ARHGAP15: variants seen among roughly 807,000 people sequenced by gnomAD.
The protein encoded by ARHGAP15 is rho GTPase-activating protein 15.
In ARHGAP15, 51 loss-of-function variants were observed where a neutral mutation model predicts 63.7. The ratio of observed to expected loss-of-function variants is 0.80; its 90% confidence interval spans 0.64 to 1.01. The LOEUF is 1.01. Ranked by LOEUF, ARHGAP15 falls within the 50% of genes least tolerant of loss-of-function variation. ARHGAP15 has a pLI of 0.00. For synonymous variants in ARHGAP15, 191 were observed against 193.8 expected (o/e 0.99, Z 0.12); for missense variants, 560 against 564.6 (o/e 0.99, Z 0.08).
intron 13 of ARHGAP15, among the ~76,000 whole-genome samples, chr2:143,735,093 G>T (rs532682225): frequency 6.6e-6 from 1 of 152,266 alleles, no homozygotes; most frequent in Admixed American, 6.5e-5. Flanking sequence ...ACAGATATTC[G>T]ATTCAGCTTC....
intron 9 of ARHGAP15, among the ~76,000 whole-genome samples, chr2:143,504,111 T>C (rs1049191176): frequency 6.6e-6 from 1 of 152,160 alleles, no homozygotes; most frequent in African/African-American, 2.4e-5. Context: ...AGGTACACAA[T>C]CGTAGGAAAG....
chr2:143,544,928 C>G (rs553254388), intron 10 of ARHGAP15, among the ~76,000 whole-genome samples: 1 of 152,264 alleles, frequency 6.6e-6, no homozygotes, highest in South Asian at 2.1e-4. Context: ...ATTTGTGTTT[C>G]CTGAGAATAG....
chr2:143,334,384 A>C (rs149933425), intron 6 of ARHGAP15, among the ~76,000 whole-genome samples: 11 of 152,318 alleles, frequency 7.2e-5, no homozygotes, highest in Middle Eastern at 3.4e-3. Flanking sequence ...TTCTAGACTT[A>C]ATCTTACATG....
chr2:143,582,105 TTA>T (rs1162433307), intron 11 of ARHGAP15, among the ~76,000 whole-genome samples: 1 of 152,140 alleles, frequency 6.6e-6, no homozygotes, highest in East Asian at 1.9e-4. Flanking sequence ...TTATGAGGCT[TTA>T]TGTTTCAAAC....
chr2:143,672,315 AACATAAAAACAC>A (rs1682567342), intron 12 of ARHGAP15, among the ~76,000 whole-genome samples: 1 of 152,216 alleles, frequency 6.6e-6, no homozygotes, highest in South Asian at 2.1e-4. Context: ...ATCTAAGTGG[AACATAAAAACAC>A]ACATAAATGA....
At chr2:143,736,688 T>C (rs1197090064) in intron 13 of ARHGAP15, among the ~76,000 whole-genome samples, 1 of 152,234 alleles carries the variant, frequency 6.6e-6, no homozygotes, top group Non-Finnish European at 1.5e-5. Context: ...AATTAACAGT[T>C]ACTACTCTGT....
At chr2:143,167,073 A>G (rs1690572365) in intron 2 of ARHGAP15, among the ~76,000 whole-genome samples, 1 of 152,104 alleles carries the variant, frequency 6.6e-6, no homozygotes, top group African/African-American at 2.4e-5. Flanking sequence ...CAACACGAAA[A>G]CTGAACACAG....
chr2:143,527,213 C>A (rs1694318381), intron 10 of ARHGAP15, among the ~76,000 whole-genome samples: 1 of 151,970 alleles, frequency 6.6e-6, no homozygotes, highest in Non-Finnish European at 1.5e-5. Flanking sequence ...AAGAGACATA[C>A]AGATTCCAGG....
intron 6 of ARHGAP15, among the ~76,000 whole-genome samples, chr2:143,280,260 A>G (rs1271707364): frequency 6.6e-6 from 1 of 152,168 alleles, no homozygotes; most frequent in African/African-American, 2.4e-5. Flanking sequence ...GACTAATACC[A>G]AACTCACTCA....
At position 143,437,057 on chromosome 2, in the gene ARHGAP15, T is replaced by C; in HGVS notation, c.703+15T>C. 6.3e-7 allele frequency: 1 copy of C among 1,586,168 alleles called. No homozygotes were observed. On this transcript the variant is annotated intron_variant, in intron 8 of 13. Transcript: ENST00000295095. ...AAAATCTTTAAGTGAGTATTTTCTTTGACTTGCTCATTTTAAGTTTGTCTA... is the reference window on the plus strand; with the variant it reads ...AAAATCTTTAAGTGAGTATTTTCTTCGACTTGCTCATTTTAAGTTTGTCTA...
Position 143,413,966 on chromosome 2 carries a change from T to TGCGCGCGCGCGCGCGCGC in ARHGAP15, c.475-21629_475-21628insGCGCGCGCGCGCGCGCGC, listed in dbSNP as rs1553476592. 2.2e-4 allele frequency among the ~76,000 whole-genome samples: 26 copies of TGCGCGCGCGCGCGCGCGC among 117,912 alleles called. No homozygotes were observed. The South Asian group carries it at 3.5e-3, about 16-fold the overall frequency. 77.4% of individuals were successfully genotyped at this position (117,912 alleles called of 152,430 possible). ...GTGTGTGTGTGTGTGTGTGTGTGTGTGCGCGCTCTCTGGCAGAAAGTTAAT... is the reference window on the plus strand; with the variant it reads ...GTGTGTGTGTGTGTGTGTGTGTGTGTGCGCGCGCGCGCGCGCGCGCGCGCTCTCTGGCAGAAAGTTAAT... On this transcript the variant is annotated intron_variant, in intron 6 of 13. Transcript: ENST00000295095.
intron 12 of ARHGAP15, among the ~76,000 whole-genome samples, chr2:143,653,550 T>G (rs974611519): frequency 1.3e-5 from 2 of 152,194 alleles, no homozygotes; most frequent in African/African-American, 4.8e-5. Flanking sequence ...TTATCATTCT[T>G]TTATTGTCTA....
intron 6 of ARHGAP15, among the ~76,000 whole-genome samples, chr2:143,301,821 A>G (rs1018652204): frequency 7.3e-5 from 11 of 151,634 alleles, no homozygotes; most frequent in Non-Finnish European, 1.0e-4. Context: ...ATGTATATAC[A>G]TATATATGGA....
At chr2:143,380,336 G>T (rs913156048) in intron 6 of ARHGAP15, among the ~76,000 whole-genome samples, 1 of 152,070 alleles carries the variant, frequency 6.6e-6, no homozygotes, top group African/African-American at 2.4e-5. Flanking sequence ...TGATTTGATT[G>T]CCTGGGTGCT....
intron 6 of ARHGAP15, among the ~76,000 whole-genome samples, chr2:143,261,403 G>A (rs1178383219): frequency 2.3e-5 from 3 of 131,166 alleles, no homozygotes; most frequent in Admixed American, 9.1e-5. Flanking sequence ...CAGTGGCACC[G>A]TGTTGGTTCA....
intron 12 of ARHGAP15, among the ~76,000 whole-genome samples, chr2:143,626,505 G>C (rs1698839867): frequency 6.6e-6 from 1 of 152,116 alleles, no homozygotes; most frequent in Non-Finnish European, 1.5e-5. Context: ...TGGTAGCAAG[G>C]TTTATTGTGA....
intron 4 of ARHGAP15, among the ~76,000 whole-genome samples, chr2:143,221,267 T>A (rs1254266453): frequency 6.6e-6 from 1 of 152,208 alleles, no homozygotes; most frequent in Non-Finnish European, 1.5e-5. Flanking sequence ...GTCTCTTTAA[T>A]GTATTTTCTC....
chr2:143,265,087 A>C (rs1470180104), intron 6 of ARHGAP15, among the ~76,000 whole-genome samples: 1 of 152,198 alleles, frequency 6.6e-6, no homozygotes, highest in African/African-American at 2.4e-5. Context: ...CATTAGGTGG[A>C]GGCAATATAA....
chr2:143,243,068 T>C (rs1224377598), intron 5 of ARHGAP15, among the ~76,000 whole-genome samples: 1 of 152,202 alleles, frequency 6.6e-6, no homozygotes, highest in African/African-American at 2.4e-5. Context: ...GGTAAGAGGC[T>C]GTGCGGCCAA....
Sources: gnomAD v4.1 joint callset for allele counts (sites outside exome capture counted in the v4.1 genomes callset) on GRCh38, gnomAD v4.1.1 for gene constraint, MANE v1.5 for transcripts, NCBI Gene and HGNC (gene_info 2026-07-23, HGNC 2026-07-21) for gene names.